SLC38A7: variants seen among roughly 807,000 people sequenced by gnomAD.
SLC38A7 encodes solute carrier family 38 member 7.
In SLC38A7, 29 loss-of-function variants were observed where a neutral mutation model predicts 50.1. That is an observed-to-expected ratio of 0.58 (90% CI 0.43 to 0.79). The LOEUF is 0.79. SLC38A7 is among the 30% of genes least tolerant of loss of function. The pLI is 0.00. For synonymous variants in SLC38A7, 244 were observed against 245.9 expected (o/e 0.99, Z 0.07); for missense variants, 483 against 610.6 (o/e 0.79, Z 2.20).
chr16:58,678,577 C>T lies in SLC38A7; in HGVS notation c.470-103G>A. ...CCTCCCTCTGCCTGGAGGGAGGATTCCCAGATGAATGCTGGGCCCAGGTAA... is the reference window on the plus strand; with the variant it reads ...CCTCCCTCTGCCTGGAGGGAGGATTTCCAGATGAATGCTGGGCCCAGGTAA... On this transcript the variant is annotated intron_variant, in intron 4 of 11. Transcript: ENST00000219320. The surrounding 1 kb of genome is among the most constrained non-coding windows in gnomAD (Gnocchi z 4.0). The T allele has an allele frequency of 1.3e-6, 2 of 1,555,628 alleles. No individual in the cohort carries two copies. Among genetic ancestry groups the T allele is most frequent in the East Asian group, 2.3e-5 (1 of 44,060 alleles).
Position 58,677,361 on chromosome 16 carries a change from T to C in SLC38A7, c.675A>G (p.Pro225=). 6.2e-7 allele frequency: 1 copy of C among 1,613,766 alleles called. No individual in the cohort carries two copies. The highest frequency in any genetic ancestry group is 8.5e-7 in the Non-Finnish European group (1 of 1,179,942). The change falls in exon 6 of 12, where the codon CCA becomes CCG. Residue 225 remains proline (P), a synonymous_variant. Transcript: ENST00000219320. The part of the protein sequence containing the change: ...TAIVIIKYIW[P]DKEMTPGNIL... The stretch of plus-strand genomic sequence containing the variant: ...TGTTCCCTGGGGTCATCTCTTTATC[T>C]GGCCAGATGTACTTGATGATAACGA...
At chr16:58,670,912 G>T in intron 10 of SLC38A7, 133 bp downstream of exon 10, 1 of 938,602 alleles carries the variant, frequency 1.1e-6, no homozygotes, top group Non-Finnish European at 1.7e-6. Flanking sequence ...CTAGTACAGA[G>T]GCGAGACAGG....
intron 11 of SLC38A7, among the ~76,000 whole-genome samples, chr16:58,668,087 A>C (rs1351407825): frequency 2.0e-5 from 3 of 152,122 alleles, no homozygotes; most frequent in Admixed American, 2.0e-4. Flanking sequence ...GGATCACCTG[A>C]GGTCAGGAGT....
At chr16:58,669,185 G>A (rs149751368) in intron 11 of SLC38A7, among the ~76,000 whole-genome samples, 2,288 of 123,336 alleles carry the variant, frequency 0.019, 49 homozygotes, top group African/African-American at 0.067. Context: ...GTGTGATCTC[G>A]GCTCACTGCA....
intron 11 of SLC38A7, among the ~76,000 whole-genome samples, chr16:58,668,911 AGGC>A (rs35831248): frequency 0.042 from 6,017 of 144,520 alleles, 150 homozygotes; most frequent in South Asian, 0.076. Context: ...CTAGGACTAC[AGGC>A]ATGCGCCACC....
intron 11 of SLC38A7, among the ~76,000 whole-genome samples, chr16:58,668,579 G>T (rs1403718683): frequency 6.6e-6 from 1 of 151,538 alleles, no homozygotes; most frequent in Non-Finnish European, 1.5e-5. Context: ...GGGTGTGGTG[G>T]TGGGCGCCTG....
chr16:58,676,310 G>T lies in SLC38A7; in HGVS notation c.747C>A (p.Pro249=), dbSNP rs2044264937. 3 of 1,614,144 alleles carry T rather than the reference G, an allele frequency of 1.9e-6. No homozygotes were observed. The highest frequency in any genetic ancestry group is 2.5e-6 in the Non-Finnish European group (3 of 1,180,022). The part of the protein sequence containing the change: ...ASWMAVFNAM[P]TICFGFQCHV... ...GCACCTGAAATCCGAAGCAGATGGT[G>T]GGCATGGCATTGAACACAGCCATCC... The change falls in exon 7 of 12, where the codon CCC becomes CCA. Residue 249 remains proline (P), a synonymous_variant. Transcript: ENST00000219320.
rs2044043929 is a variant in SLC38A7 at position 58,666,795 on chromosome 16, T to G, written c.*590A>C. 1 of 153,166 alleles carries G rather than the reference T, an allele frequency of 6.5e-6. No individual in the cohort carries two copies. The highest frequency in any genetic ancestry group is 1.5e-5 in the Non-Finnish European group (1 of 68,498). The allele number at this position is 153,166 out of a possible 1,614,324, so 9.5% of individuals were successfully genotyped here. On this transcript the variant is annotated 3_prime_UTR_variant, in exon 12 of 12. Transcript: ENST00000219320. The stretch of plus-strand genomic sequence containing the variant: ...GATGAAAGAGACAGGGTGGGGCCCC[T>G]CAAGGCCTGGGAAATGTCTATTAGC...
At chr16:58,671,739 A>T in intron 9 of SLC38A7, 1 of 205,808 alleles carries the variant, frequency 4.9e-6, no homozygotes, top group Non-Finnish European at 9.9e-6. Context: ...CTGGCTATTT[A>T]TTTTATTTTG....
intron 7 of SLC38A7, 70 bp from the exon 8 acceptor site, chr16:58,676,124 T>C: frequency 6.4e-7 from 1 of 1,567,992 alleles, no homozygotes; most frequent in Non-Finnish European, 8.8e-7. Flanking sequence ...GAAGGTACCT[T>C]GGGAACAAAG....
At chr16:58,673,182 A>C (rs1213211278) in intron 8 of SLC38A7, among the ~76,000 whole-genome samples, 1 of 128,600 alleles carries the variant, frequency 7.8e-6, no homozygotes, top group East Asian at 2.3e-4. Flanking sequence ...CTGGGTTCTC[A>C]TGCCTCAGCC....
chr16:58,684,675 T>G (rs1490941286), intron 1 of SLC38A7, 42 bp downstream of exon 1: 1 of 152,492 alleles, frequency 6.6e-6, no homozygotes, highest in East Asian at 1.9e-4. Flanking sequence ...ACCTCGGGGA[T>G]CTAACACTTC....
rs200270629 is a variant in SLC38A7 at position 58,670,145 on chromosome 16, T to C, written c.1254A>G (p.Lys418=). Residue 418 remains lysine, a synonymous_variant, in exon 11 of 12, where the codon AAA becomes AAG. Coordinates refer to ENST00000219320, the MANE Select transcript of SLC38A7 (RefSeq NM_018231.3). Reference sequence around the variant, plus strand: ...GTTTGACCTCTTCCATCTCAGAGAGTTTGGCTTGAATGAGGCACAGCCCTG... The same window carrying C: ...GTTTGACCTCTTCCATCTCAGAGAGCTTGGCTTGAATGAGGCACAGCCCTG... ...VFPGLCLIQA[K]LSEMEEVKPA... 1 of 1,614,098 alleles carries C rather than the reference T, an allele frequency of 6.2e-7. No individual in the cohort carries two copies. Among genetic ancestry groups the C allele is most frequent in the East Asian group, 2.2e-5 (1 of 44,880 alleles).
rs1261117094 is a variant in SLC38A7, at chr16:58,679,915, T to C, written c.212A>G (p.Asn71Ser). 1 of 1,613,258 alleles carries C rather than the reference T, an allele frequency of 6.2e-7. No homozygotes were observed. Among genetic ancestry groups the C allele is most frequent in the Non-Finnish European group, 8.5e-7 (1 of 1,179,608 alleles). Residue 71 changes from asparagine (N) to serine (S), a missense_variant, in exon 3 of 12, where the codon AAC becomes AGC. By Grantham distance (46) the Asn-to-Ser change is conservative. Transcript: ENST00000219320. Reference protein sequence around the residue: ...VNACLGAGLLNFPAAFSTAGG... With the variant: ...VNACLGAGLLSFPAAFSTAGG... Reference sequence around the variant, plus strand: ...CGCAGTGCTGAAGGCTGCTGGGAAGTTGAGTAACCCTGCACCCAGGCACGC... The same window carrying C: ...CGCAGTGCTGAAGGCTGCTGGGAAGCTGAGTAACCCTGCACCCAGGCACGC...
chr16:58,677,059 G>C (rs1053578496), intron 6 of SLC38A7, among the ~76,000 whole-genome samples: 20 of 152,046 alleles, frequency 1.3e-4, no homozygotes, highest in Admixed American at 1.3e-4. Context: ...CCACCCTCAG[G>C]TTCCTCCACA....
intron 2 of SLC38A7, among the ~76,000 whole-genome samples, chr16:58,683,217 C>A (rs1338289746): frequency 1.3e-5 from 2 of 152,184 alleles, no homozygotes; most frequent in Non-Finnish European, 2.9e-5. Flanking sequence ...AAAAAGGGAA[C>A]TGAGCATATT....
chr16:58,672,043 T>C (rs753723078), intron 9 of SLC38A7, 53 bp downstream of exon 9: 2 of 1,406,674 alleles, frequency 1.4e-6, no homozygotes, highest in South Asian at 2.7e-5. Flanking sequence ...AGGACCATGT[T>C]GGAAGCGCTC....
At chr16:58,673,998 T>C (rs2044213109) in intron 8 of SLC38A7, among the ~76,000 whole-genome samples, 1 of 151,946 alleles carries the variant, frequency 6.6e-6, no homozygotes, top group Admixed American at 6.6e-5. Flanking sequence ...CTAATTTTTG[T>C]AATTTTGATA....
intron 8 of SLC38A7, among the ~76,000 whole-genome samples, chr16:58,672,457 C>CT (rs1412052581): frequency 6.6e-6 from 1 of 152,178 alleles, no homozygotes; most frequent in Non-Finnish European, 1.5e-5. Context: ...CCCCAGCTTT[C>CT]TGAGCCTGAA....
Sources: allele counts gnomAD v4.1 joint callset (sites outside exome capture counted in the v4.1 genomes callset), GRCh38; gene constraint gnomAD v4.1.1; non-coding constraint Gnocchi (gnomAD v3.1); transcripts MANE v1.5; gene names NCBI Gene and HGNC (gene_info 2026-07-23, HGNC 2026-07-21).